The following SCAI variants were observed in gnomAD, a reference collection of about 807,000 sequenced individuals.
The protein encoded by SCAI is protein SCAI.
SCAI carries 24 observed loss-of-function variants against 92.2 expected under a neutral mutation model. The observed-to-expected ratio is 0.26, with a 90% CI of 0.19 to 0.37. The LOEUF is 0.37. SCAI is among the 10% of genes least tolerant of loss of function. The probability of loss-of-function intolerance (pLI) is 1.00; values close to 1 mark genes in which losing one functional copy is unlikely to be tolerated. For synonymous variants in SCAI, 261 were observed against 258.6 expected (o/e 1.01, Z -0.09); for missense variants, 450 against 736.2 (o/e 0.61, Z 4.50).
chr9:125,076,659 G>A (rs1588201622), intron 2 of SCAI, among the ~76,000 whole-genome samples: 1 of 152,100 alleles, frequency 6.6e-6, no homozygotes, highest in African/African-American at 2.4e-5. Flanking sequence ...GAGTTCAAGA[G>A]TTTGAGACCA....
intron 7 of SCAI, among the ~76,000 whole-genome samples, chr9:125,020,455 A>G (rs1183838502): frequency 9.2e-5 from 14 of 152,224 alleles, no homozygotes. Context: ...GAAAGGACAA[A>G]AGCAAGGAAT....
intron 3 of SCAI, 144 bp downstream of exon 3, chr9:125,055,732 T>G (rs1379580405): frequency 2.0e-6 from 1 of 502,062 alleles, no homozygotes. Context: ...TTAAAAATGA[T>G]GTCAAAGAAA....
intron 17 of SCAI, among the ~76,000 whole-genome samples, chr9:124,955,183 A>T (rs1266599014): frequency 6.6e-6 from 1 of 151,856 alleles, no homozygotes; most frequent in Non-Finnish European, 1.5e-5. Flanking sequence ...AAAAAAAAAA[A>T]AATTAAAGAT....
At chr9:125,100,673 A>G (rs905228412) in intron 2 of SCAI, among the ~76,000 whole-genome samples, 39 of 152,290 alleles carry the variant, frequency 2.6e-4, no homozygotes, top group African/African-American at 9.1e-4. Context: ...TATAAATTAC[A>G]TAGTATATTA....
intron 3 of SCAI, among the ~76,000 whole-genome samples, chr9:125,031,470 C>G (rs1184891729): frequency 6.6e-6 from 1 of 151,062 alleles, no homozygotes; most frequent in South Asian, 2.1e-4. Context: ...ACTGTGGTCT[C>G]GATCTCCTGA....
intron 2 of SCAI, among the ~76,000 whole-genome samples, chr9:125,128,161 T>A (rs940804105): frequency 1.3e-5 from 2 of 151,914 alleles, no homozygotes; most frequent in Non-Finnish European, 2.9e-5. Flanking sequence ...AAACAATTTT[T>A]AAAAATAAAA....
chr9:124,958,928 C>CA (rs1257965017), intron 17 of SCAI, among the ~76,000 whole-genome samples: 3 of 146,672 alleles, frequency 2.0e-5, no homozygotes, highest in African/African-American at 5.0e-5. Flanking sequence ...AAAGAACAAA[C>CA]AAAAAAACAA....
chr9:125,072,413 C>T (rs1184811829), intron 2 of SCAI, among the ~76,000 whole-genome samples: 2 of 151,800 alleles, frequency 1.3e-5, no homozygotes, highest in African/African-American at 2.4e-5. Flanking sequence ...ACAAAAATAA[C>T]AATGAAACAG....
chr9:125,117,198 G>A (rs922515688), intron 2 of SCAI, among the ~76,000 whole-genome samples: 9 of 151,942 alleles, frequency 5.9e-5, no homozygotes. Context: ...TTTAAATCTT[G>A]CATATAAGAC....
chr9:124,970,710 T>C (rs1831641486), intron 17 of SCAI, among the ~76,000 whole-genome samples: 1 of 151,940 alleles, frequency 6.6e-6, no homozygotes, highest in Non-Finnish European at 1.5e-5. Context: ...GCAACATGAG[T>C]GAAACTCCAT....
intron 9 of SCAI, among the ~76,000 whole-genome samples, chr9:125,011,155 C>T (rs1031528232): frequency 6.6e-6 from 1 of 152,260 alleles, no homozygotes; most frequent in Non-Finnish European, 1.5e-5. Flanking sequence ...TGCAGCTCCT[C>T]ACCAGCAACG....
intron 2 of SCAI, among the ~76,000 whole-genome samples, chr9:125,109,344 G>C (rs1010978639): frequency 2.6e-5 from 4 of 151,562 alleles, no homozygotes; most frequent in African/African-American, 9.7e-5. Context: ...AAACACCCAA[G>C]AATTATCAAT....
intron 2 of SCAI, among the ~76,000 whole-genome samples, chr9:125,124,904 T>C (rs777200903): frequency 2.0e-5 from 3 of 152,192 alleles, no homozygotes; most frequent in Non-Finnish European, 4.4e-5. Flanking sequence ...GGCCCTTCCC[T>C]TAACAAGGCA....
chr9:125,054,760 A>G (rs1476129889), intron 3 of SCAI, among the ~76,000 whole-genome samples: 1 of 152,222 alleles, frequency 6.6e-6, no homozygotes, highest in Admixed American at 6.5e-5. Flanking sequence ...GAAGAGTGCA[A>G]GAGTTAAGAA....
chr9:125,081,513 G>A (rs1429993267), intron 2 of SCAI, among the ~76,000 whole-genome samples: 9 of 152,206 alleles, frequency 5.9e-5, no homozygotes, highest in East Asian at 1.9e-4. Context: ...ACTGGTGGAA[G>A]AAATTTCTAA....
intron 2 of SCAI, among the ~76,000 whole-genome samples, chr9:125,078,718 C>A (rs544774958): frequency 1.3e-5 from 2 of 152,120 alleles, no homozygotes; most frequent in East Asian, 3.9e-4. Flanking sequence ...GAGTTTGAGA[C>A]CAGCCTGGGA....
rs1239287032 is a variant in SCAI, at chr9:124,993,432, T to C, written c.1326+1502A>G. Among the ~76,000 whole-genome samples, 4 of 152,100 alleles carry C rather than the reference T, an allele frequency of 2.6e-5. 1 individual carries two copies. In the South Asian group the frequency reaches 6.2e-4, roughly 24 times the overall value. On this transcript the variant is annotated intron_variant, in intron 14 of 17. Transcript: ENST00000336505. ...GGAGAAACCCCATCTCTGCTAAAAA[T>C]ACTAAAAATTAGCCGGGCATAGTGG...
chr9:125,002,097 G>A (rs757300859), intron 11 of SCAI, 54 bp from the exon 12 acceptor site: 78 of 1,212,860 alleles, frequency 6.4e-5, no homozygotes, highest in Non-Finnish European at 8.8e-5. Context: ...TAAACAACAT[G>A]GTTTTATTTA....
At chr9:124,988,399 A>C (rs1202563057) in intron 14 of SCAI, among the ~76,000 whole-genome samples, 1 of 152,152 alleles carries the variant, frequency 6.6e-6, no homozygotes, top group African/African-American at 2.4e-5. Context: ...GAAACAAATG[A>C]AGAAAGAGGA....
Sources: gnomAD v4.1 joint callset for allele counts (sites outside exome capture counted in the v4.1 genomes callset) on GRCh38, gnomAD v4.1.1 for gene constraint, MANE v1.5 for transcripts, NCBI Gene and HGNC (gene_info 2026-07-23, HGNC 2026-07-21) for gene names.